Variants in OSBPL6 observed in about 807,000 individuals in gnomAD.
OSBPL6 encodes oxysterol-binding protein-related protein 6.
OSBPL6 carries 49 observed loss-of-function variants against 125.8 expected under a neutral mutation model. The observed-to-expected ratio is 0.39, with a 90% confidence interval of 0.31 to 0.49. The LOEUF (loss-of-function observed/expected upper bound fraction) is 0.49. Among genes scored for constraint, OSBPL6 ranks in the 20% least tolerant of loss-of-function variants. The pLI, the probability that OSBPL6 is intolerant of heterozygous loss-of-function variation, is 0.88. For synonymous variants in OSBPL6, 394 were observed against 391.8 expected (o/e 1.01, Z -0.07); for missense variants, 986 against 1,135.4 (o/e 0.87, Z 1.89).
chr2:178,220,203 CTGA>C (rs1553521140), intron 1 of OSBPL6, among the ~76,000 whole-genome samples: 1 of 152,166 alleles, frequency 6.6e-6, no homozygotes, highest in Non-Finnish European at 1.5e-5. Context: ...TTCCATTTTG[CTGA>C]TTGACTACCT....
At chr2:178,198,605 G>A (rs2089047226) in intron 1 of OSBPL6, among the ~76,000 whole-genome samples, 1 of 103,646 alleles carries the variant, frequency 9.6e-6, no homozygotes, top group Non-Finnish European at 2.1e-5. Context: ...AGGTGACAGC[G>A]AGACTCCATC....
chr2:178,271,461 A>G lies in OSBPL6; in HGVS notation c.-350-13466A>G, dbSNP rs527625477. Among the ~76,000 whole-genome samples the G allele has an allele frequency of 8.5e-5, 13 of 152,328 alleles. No individual in the cohort carries two copies. The East Asian group carries it at 2.3e-3, about 27-fold the overall frequency. On this transcript the variant is annotated intron_variant, in intron 1 of 24. Coordinates refer to ENST00000190611, the MANE Select transcript of OSBPL6 (RefSeq NM_032523.4). ...GACTCAAAGAGAAATTCGGCTGCTT[A>G]ACAATGTTTTGTTTTTGCTTAAAAA...
At chr2:178,255,594 G>T (rs1372085921) in intron 1 of OSBPL6, among the ~76,000 whole-genome samples, 1 of 152,222 alleles carries the variant, frequency 6.6e-6, no homozygotes, top group African/African-American at 2.4e-5. Flanking sequence ...GACTCTCTAA[G>T]CGTTTTTCTC....
chr2:178,341,944 T>C (rs1690244120), intron 11 of OSBPL6, among the ~76,000 whole-genome samples: 1 of 152,140 alleles, frequency 6.6e-6, no homozygotes, highest in Non-Finnish European at 1.5e-5. Flanking sequence ...AGGATGAGTA[T>C]GACAACATGA....
chr2:178,352,666 T>C (rs1691386099), intron 12 of OSBPL6, among the ~76,000 whole-genome samples: 1 of 152,084 alleles, frequency 6.6e-6, no homozygotes, highest in Admixed American at 6.6e-5. Context: ...CAGGGCATAG[T>C]TGAAAAAAAG....
chr2:178,382,181 CT>C (rs1575028825), intron 15 of OSBPL6, among the ~76,000 whole-genome samples: 2 of 152,298 alleles, frequency 1.3e-5, no homozygotes, highest in East Asian at 3.9e-4. Context: ...CTTTACTGGT[CT>C]CCCCTGCCCT....
intron 2 of OSBPL6, among the ~76,000 whole-genome samples, chr2:178,305,334 T>C (rs990609713): frequency 1.3e-5 from 2 of 152,238 alleles, no homozygotes; most frequent in South Asian, 4.1e-4. Flanking sequence ...TTAACCTTAA[T>C]ACTAACAATG....
intron 1 of OSBPL6, among the ~76,000 whole-genome samples, chr2:178,270,826 T>C (rs1308801145): frequency 6.6e-6 from 1 of 152,172 alleles, no homozygotes; most frequent in South Asian, 2.1e-4. Context: ...TTAGAAAGTT[T>C]ACAGTACTAG....
chr2:178,287,711 C>A (rs1301264861), intron 2 of OSBPL6, among the ~76,000 whole-genome samples: 1 of 151,548 alleles, frequency 6.6e-6, no homozygotes, highest in African/African-American at 2.4e-5. Flanking sequence ...ATCTACCCCC[C>A]ACAAAAAAAT....
intron 2 of OSBPL6, among the ~76,000 whole-genome samples, chr2:178,291,665 T>TCTTCCTTCCTTCCTTCCTTCCTTCCTTC (rs71023439): frequency 3.5e-4 from 47 of 135,506 alleles, no homozygotes; most frequent in African/African-American, 1.2e-3. Flanking sequence ...ACAGGTAGTC[T>TCTTCCTTCCTTCCTTCCTTCCTTCCTTC]CTTCCTTCCT....
chr2:178,255,475 C>T (rs1574646329), intron 1 of OSBPL6, among the ~76,000 whole-genome samples: 1 of 152,224 alleles, frequency 6.6e-6, no homozygotes, highest in African/African-American at 2.4e-5. Context: ...TCTCCCATGA[C>T]ACATGGGGAT....
intron 1 of OSBPL6, among the ~76,000 whole-genome samples, chr2:178,270,501 C>T (rs1264430839): frequency 1.3e-5 from 2 of 152,106 alleles, no homozygotes; most frequent in East Asian, 1.9e-4. Flanking sequence ...CCCAGCGTCA[C>T]GCAGTTAGAG....
intron 3 of OSBPL6, among the ~76,000 whole-genome samples, chr2:178,306,748 C>T (rs766932258): frequency 1.3e-5 from 2 of 152,140 alleles, no homozygotes; most frequent in Non-Finnish European, 2.9e-5. Flanking sequence ...AATTGTAATA[C>T]CAGGAATTAA....
At chr2:178,344,175 C>T (rs1690479943) in intron 11 of OSBPL6, 2 of 903,764 alleles carry the variant, frequency 2.2e-6, no homozygotes, top group Non-Finnish European at 1.8e-6. Flanking sequence ...GAAAAGTCGA[C>T]TTCAGTTAAA....
chr2:178,251,849 C>A (rs555948929), intron 1 of OSBPL6, among the ~76,000 whole-genome samples: 1 of 152,188 alleles, frequency 6.6e-6, no homozygotes, highest in Non-Finnish European at 1.5e-5. Flanking sequence ...AGCAATCCTG[C>A]GCATGTGCTT....
intron 24 of OSBPL6, among the ~76,000 whole-genome samples, chr2:178,395,045 G>A (rs1695729269): frequency 1.3e-5 from 2 of 152,128 alleles, no homozygotes; most frequent in East Asian, 3.9e-4. Context: ...TGTCTAAAAT[G>A]TGCTCCTTGG....
chr2:178,254,403 AAAAG>A (rs1009149433), intron 1 of OSBPL6, among the ~76,000 whole-genome samples: 1 of 151,894 alleles, frequency 6.6e-6, no homozygotes, highest in African/African-American at 2.4e-5. Flanking sequence ...AAAAAAAAAA[AAAAG>A]AAAGAAAGAA....
chr2:178,330,783 C>G (rs937326666), intron 5 of OSBPL6, among the ~76,000 whole-genome samples: 2 of 152,106 alleles, frequency 1.3e-5, no homozygotes, highest in Admixed American at 6.6e-5. Context: ...ATTCTTTGAC[C>G]GGGCCCTGGG....
chr2:178,368,151 A>G (rs561342861), intron 13 of OSBPL6, among the ~76,000 whole-genome samples: 1 of 152,308 alleles, frequency 6.6e-6, no homozygotes, highest in Non-Finnish European at 1.5e-5. Context: ...AGATAAAAAT[A>G]ATTTTTAGGG....
Sources: allele counts gnomAD v4.1 joint callset (sites outside exome capture counted in the v4.1 genomes callset), GRCh38; gene constraint gnomAD v4.1.1; transcripts MANE v1.5; gene names NCBI Gene and HGNC (gene_info 2026-07-23, HGNC 2026-07-21).